The following CNST variants were observed in gnomAD, a reference collection of about 807,000 sequenced individuals.
CNST encodes consortin, connexin sorting protein.
A neutral mutation model predicts 72.4 loss-of-function variants in CNST; 39 were observed. The observed-to-expected ratio is 0.54, with a 90% CI of 0.42 to 0.70. The LOEUF is 0.70. Ranked by LOEUF, CNST falls within the 30% of genes least tolerant of loss-of-function variation. The pLI, the probability that CNST is intolerant of heterozygous loss-of-function variation, is 0.00. For missense variants in CNST, 871 were observed against 868.5 expected (o/e 1.00, Z -0.04); for synonymous variants, 332 against 320.1 (o/e 1.04, Z -0.40).
intron 3 of CNST, among the ~76,000 whole-genome samples, chr1:246,622,681 G>A (rs78254077): frequency 0.02 from 3,000 of 152,188 alleles, 102 homozygotes; most frequent in African/African-American, 0.068. Context: ...GGATTGAGAG[G>A]GTGTAGATGT....
intron 1 of CNST, among the ~76,000 whole-genome samples, chr1:246,570,590 TG>T (rs1167901356): frequency 6.6e-6 from 1 of 152,178 alleles, no homozygotes; most frequent in African/African-American, 2.4e-5. Flanking sequence ...GTAGGGACTA[TG>T]GGGAGTGTTA....
At chr1:246,576,429 A>G (rs1017680902) in intron 1 of CNST, among the ~76,000 whole-genome samples, 1 of 147,786 alleles carries the variant, frequency 6.8e-6, no homozygotes, top group African/African-American at 2.5e-5. Context: ...TTTGCATGTC[A>G]TAATTCGTAA....
intron 1 of CNST, among the ~76,000 whole-genome samples, chr1:246,576,854 A>T (rs1259652879): frequency 6.6e-6 from 1 of 151,412 alleles, no homozygotes; most frequent in East Asian, 1.9e-4. Flanking sequence ...ACCACCCCCT[A>T]CCCTCCACCC....
intron 9 of CNST, chr1:246,648,271 A>G: frequency 7.9e-7 from 1 of 1,259,940 alleles, no homozygotes; most frequent in Non-Finnish European, 1.0e-6. Flanking sequence ...GCCTCCAGCT[A>G]GAGTGAGCGT....
Position 246,647,209 on chromosome 1 carries a change from T to C in CNST, c.1008T>C (p.Ser336=). The part of the protein sequence containing the change: ...SQHTVEPLGS[S]PCCHQMDVQT... The stretch of plus-strand genomic sequence containing the variant: ...ATACAGTGGAGCCCCTGGGGAGCAG[T>C]CCCTGCTGTCATCAGATGGACGTGC... Residue 336 remains serine (S), a synonymous_variant, in exon 9 of 11, where the codon AGT becomes AGC. Transcript: ENST00000366513. 1.2e-6 allele frequency: 2 copies of C among 1,614,010 alleles called. No homozygotes were observed. The highest frequency in any genetic ancestry group is 8.5e-7 in the Non-Finnish European group (1 of 1,179,946).
At chr1:246,606,643 C>T (rs1038041693) in intron 2 of CNST, 8 of 151,086 alleles carry the variant, frequency 5.3e-5, no homozygotes, top group East Asian at 2.0e-4. Context: ...GCGATAACCC[C>T]GTGAACCATC....
rs1462819589 is a variant in CNST, at chr1:246,667,249, G to C, written c.*1344G>C. On this transcript the variant is annotated 3_prime_UTR_variant, in exon 11 of 11. Transcript: ENST00000366513. ...AGAACTTACTTTCTAGTTGTTACTG[G>C]CTGGCACAGTACCTCCCTTTGTGTT... 1 of 152,088 alleles carries C rather than the reference G, an allele frequency of 6.6e-6. No individual in the cohort carries two copies. Among genetic ancestry groups the C allele is most frequent in the Non-Finnish European group, 1.5e-5 (1 of 68,016 alleles). 9.4% of individuals were successfully genotyped at this position (152,088 alleles called of 1,614,324 possible).
chr1:246,639,650 G>A (rs1462441954), intron 6 of CNST, among the ~76,000 whole-genome samples: 2 of 152,146 alleles, frequency 1.3e-5, no homozygotes, highest in Non-Finnish European at 2.9e-5. Flanking sequence ...TATTGAAGGA[G>A]GTGGACAGTT....
intron 1 of CNST, among the ~76,000 whole-genome samples, chr1:246,588,798 GAC>G (rs1661357332): frequency 6.6e-6 from 1 of 151,972 alleles, no homozygotes; most frequent in Non-Finnish European, 1.5e-5. Flanking sequence ...TCTTAATTTG[GAC>G]ACAATTTTCA....
intron 2 of CNST, among the ~76,000 whole-genome samples, chr1:246,602,210 T>C (rs375478303): frequency 3.9e-4 from 60 of 152,198 alleles, no homozygotes; most frequent in African/African-American, 8.7e-4. Flanking sequence ...AAGCAGAAAA[T>C]TGAAGAATTG....
At chr1:246,644,872 C>T (rs1406798366) in intron 8 of CNST, among the ~76,000 whole-genome samples, 1 of 152,130 alleles carries the variant, frequency 6.6e-6, no homozygotes, top group Non-Finnish European at 1.5e-5. Flanking sequence ...TGGATGTGGC[C>T]CTCATTGCTC....
chr1:246,662,233 C>G (rs1258730267), intron 10 of CNST, among the ~76,000 whole-genome samples: 1 of 152,164 alleles, frequency 6.6e-6, no homozygotes, highest in African/African-American at 2.4e-5. Context: ...TTTCATAAAC[C>G]TCACCTTCTG....
intron 2 of CNST, among the ~76,000 whole-genome samples, chr1:246,615,776 G>A (rs1663648719): frequency 6.6e-6 from 1 of 151,736 alleles, no homozygotes. Flanking sequence ...TACTCGGGAG[G>A]CTGAGGCAGG....
At chr1:246,605,364 C>T (rs1476082214) in intron 2 of CNST, among the ~76,000 whole-genome samples, 2 of 152,210 alleles carry the variant, frequency 1.3e-5, no homozygotes, top group East Asian at 3.9e-4. Context: ...TCGCTTGAGT[C>T]CATGAGTTAA....
intron 1 of CNST, among the ~76,000 whole-genome samples, chr1:246,588,007 C>T (rs1036641937): frequency 6.6e-5 from 10 of 151,956 alleles, no homozygotes; most frequent in Non-Finnish European, 1.0e-4. Context: ...CACATTTATT[C>T]TTGTTTTTCC....
chr1:246,661,886 T>C (rs1667121731), intron 10 of CNST, among the ~76,000 whole-genome samples: 1 of 152,234 alleles, frequency 6.6e-6, no homozygotes, highest in Non-Finnish European at 1.5e-5. Flanking sequence ...CTGATTTTAC[T>C]TCTGCACCTT....
chr1:246,664,720 C>T (rs977745051), intron 10 of CNST, among the ~76,000 whole-genome samples: 1 of 152,252 alleles, frequency 6.6e-6, no homozygotes, highest in East Asian at 1.9e-4. Flanking sequence ...GCCACCACAC[C>T]CAGCCTTAAC....
intron 1 of CNST, among the ~76,000 whole-genome samples, chr1:246,576,628 T>C (rs2103006175): frequency 6.6e-6 from 1 of 151,686 alleles, no homozygotes. Flanking sequence ...CTTTAGTAGC[T>C]GGGACCGCAG....
chr1:246,615,223 T>C (rs1663600567), intron 2 of CNST, among the ~76,000 whole-genome samples: 1 of 152,180 alleles, frequency 6.6e-6, no homozygotes, highest in South Asian at 2.1e-4. Flanking sequence ...TCACCCAGGC[T>C]GGAGCGCAGT....
Sources: allele counts gnomAD v4.1 joint callset (sites outside exome capture counted in the v4.1 genomes callset), GRCh38; gene constraint gnomAD v4.1.1; transcripts MANE v1.5; gene names NCBI Gene and HGNC (gene_info 2026-07-23, HGNC 2026-07-21).